The following GRID1 variants were observed in gnomAD, a reference collection of about 807,000 sequenced individuals.
GRID1 encodes glutamate receptor ionotropic, delta-1.
A neutral mutation model predicts 98.0 loss-of-function variants in GRID1; 28 were observed. The ratio of observed to expected loss-of-function variants is 0.29; its 90% CI spans 0.21 to 0.39. The LOEUF is 0.39. Ranked by LOEUF, GRID1 falls within the 10% of genes least tolerant of loss-of-function variation. The pLI is 1.00. For synonymous variants in GRID1, 553 were observed against 538.5 expected, an observed-to-expected ratio of 1.03 and a Z score of -0.37; for missense variants, 1,111 against 1,340.5, an observed-to-expected ratio of 0.83 and a Z score of 2.67.
chr10:86,254,013 G>A (rs536817343), intron 2 of GRID1, among the ~76,000 whole-genome samples: 1 of 151,680 alleles, frequency 6.6e-6, no homozygotes, highest in South Asian at 2.1e-4. Flanking sequence ...CTAACACCTT[G>A]ATTTGTCACC....
chr10:85,907,570 G>A (rs539675721), intron 5 of GRID1, among the ~76,000 whole-genome samples: 1 of 152,270 alleles, frequency 6.6e-6, no homozygotes, highest in African/African-American at 2.4e-5. Flanking sequence ...TGCCCAGATG[G>A]CTTCATTGGT....
At chr10:85,823,594 G>T (rs1392212938) in intron 8 of GRID1, among the ~76,000 whole-genome samples, 2 of 151,656 alleles carry the variant, frequency 1.3e-5, no homozygotes, top group Non-Finnish European at 2.9e-5. Context: ...TACAAACTGA[G>T]AATTGTCCAA....
At chr10:86,092,233 G>C (rs1844160492) in intron 4 of GRID1, among the ~76,000 whole-genome samples, 3 of 152,122 alleles carry the variant, frequency 2.0e-5, no homozygotes. Flanking sequence ...AAATACAAAA[G>C]AATGATACAA....
chr10:86,074,397 A>G (rs1843850841), intron 4 of GRID1, among the ~76,000 whole-genome samples: 2 of 152,144 alleles, frequency 1.3e-5, no homozygotes, highest in African/African-American at 4.8e-5. Flanking sequence ...TTTCATTCCC[A>G]CATATAAATG....
chr10:86,074,709 C>A (rs1843856106), intron 4 of GRID1, among the ~76,000 whole-genome samples: 1 of 152,152 alleles, frequency 6.6e-6, no homozygotes, highest in Non-Finnish European at 1.5e-5. Flanking sequence ...TTGGATAGAA[C>A]TCAGCAGTGC....
intron 14 of GRID1, among the ~76,000 whole-genome samples, chr10:85,617,791 T>C (rs1842809322): frequency 6.6e-6 from 1 of 152,080 alleles, no homozygotes; most frequent in South Asian, 2.1e-4. Context: ...ACTATTGGAG[T>C]CAGGAGAGCA....
chr10:86,220,219 A>T (rs1389459149), intron 2 of GRID1, among the ~76,000 whole-genome samples: 1 of 152,204 alleles, frequency 6.6e-6, no homozygotes, highest in Non-Finnish European at 1.5e-5. Context: ...ACTAAAAGCC[A>T]CATTAGTGCA....
intron 14 of GRID1, among the ~76,000 whole-genome samples, chr10:85,615,104 G>C (rs142400454): frequency 6.6e-6 from 1 of 152,334 alleles, no homozygotes; most frequent in East Asian, 1.9e-4. Context: ...TTCCAGGTCA[G>C]CTGTGACCAC....
At chr10:85,672,079 A>G (rs1841092375) in intron 12 of GRID1, among the ~76,000 whole-genome samples, 1 of 152,242 alleles carries the variant, frequency 6.6e-6, no homozygotes, top group Admixed American at 6.5e-5. Flanking sequence ...ATGGAGCAGC[A>G]AGTCATCCAG....
chr10:85,700,217 A>G (rs1203733968), intron 12 of GRID1, among the ~76,000 whole-genome samples: 2 of 152,194 alleles, frequency 1.3e-5, no homozygotes, highest in Admixed American at 1.3e-4. Flanking sequence ...AATCTTCCCA[A>G]TAAGCCTGTG....
intron 5 of GRID1, among the ~76,000 whole-genome samples, chr10:85,876,091 C>T (rs565700507): frequency 3.4e-4 from 52 of 152,226 alleles, no homozygotes; most frequent in Non-Finnish European, 1.6e-4. Flanking sequence ...ATGGCACTGA[C>T]TTCTAGCTTC....
At chr10:86,060,312 T>C (rs1843631560) in intron 4 of GRID1, among the ~76,000 whole-genome samples, 1 of 152,154 alleles carries the variant, frequency 6.6e-6, no homozygotes, top group Admixed American at 6.5e-5. Context: ...ACTGGGAAAA[T>C]GCATAAAGCA....
At chr10:86,358,920 C>T (rs1025178891) in intron 2 of GRID1, among the ~76,000 whole-genome samples, 1 of 151,858 alleles carries the variant, frequency 6.6e-6, no homozygotes, top group African/African-American at 2.4e-5. Flanking sequence ...AGGCCTTGAC[C>T]CGCCATTGCT....
At chr10:85,876,815 C>T (rs1282444006) in intron 5 of GRID1, among the ~76,000 whole-genome samples, 2 of 152,320 alleles carry the variant, frequency 1.3e-5, no homozygotes, top group East Asian at 3.9e-4. Flanking sequence ...CATTGCCTCA[C>T]TCGGAAGTGC....
chr10:85,817,139 T>C (rs1251855306), intron 8 of GRID1, among the ~76,000 whole-genome samples: 3 of 152,232 alleles, frequency 2.0e-5, no homozygotes, highest in Non-Finnish European at 4.4e-5. Context: ...GTCTTTGCTA[T>C]TTTGAATGGT....
At position 86,183,709 on chromosome 10, in the gene GRID1, G is replaced by T. The variant is rs149595087; in HGVS notation, c.520+22655C>A. Among the ~76,000 whole-genome samples, 48 of 152,348 alleles carry T rather than the reference G, an allele frequency of 3.2e-4. No homozygotes were observed. The East Asian group carries it at 7.1e-3, about 23-fold the overall frequency. The stretch of plus-strand genomic sequence containing the variant: ...CCAATGGACATTTTGGTTGTTTTCA[G>T]TTTGGGGCTATTATGAATTAAGCTG... On this transcript the variant is annotated intron_variant, in intron 3 of 15. Coordinates refer to ENST00000327946, the MANE Select transcript of GRID1 (RefSeq NM_017551.3).
intron 12 of GRID1, among the ~76,000 whole-genome samples, chr10:85,660,718 A>G (rs73326638): frequency 0.078 from 11,810 of 152,080 alleles, 663 homozygotes; most frequent in African/African-American, 0.16. Context: ...TGCAGTTCAG[A>G]TGCTATCACA....
At chr10:86,161,615 G>A (rs961775992) in intron 3 of GRID1, among the ~76,000 whole-genome samples, 3 of 152,160 alleles carry the variant, frequency 2.0e-5, no homozygotes, top group Non-Finnish European at 4.4e-5. Context: ...GTGCTTGAGG[G>A]AGTCTCCAGG....
intron 8 of GRID1, among the ~76,000 whole-genome samples, chr10:85,841,788 A>G (rs1025465449): frequency 2.6e-5 from 4 of 152,160 alleles, no homozygotes; most frequent in African/African-American, 9.7e-5. Context: ...ACCATCTCAC[A>G]CCAATCAAAA....
Sources: allele counts gnomAD v4.1 joint callset (sites outside exome capture counted in the v4.1 genomes callset), GRCh38; gene constraint gnomAD v4.1.1; transcripts MANE v1.5; gene names NCBI Gene and HGNC (gene_info 2026-07-23, HGNC 2026-07-21).